CEP78: variants seen among roughly 807,000 people sequenced by gnomAD.
The protein encoded by CEP78 is centrosomal protein 78.
Under a neutral mutation model 81.2 loss-of-function variants are expected in CEP78, and 76 were observed. The observed-to-expected ratio is 0.94, with a 90% CI of 0.78 to 1.13. CEP78 has a LOEUF of 1.13. CEP78 is among the 50% of genes most tolerant of loss of function. CEP78 has a pLI of 0.00. For missense variants in CEP78, 918 were observed against 846.8 expected (o/e 1.08, Z -1.04); for synonymous variants, 293 against 301.4 (o/e 0.97, Z 0.29).
chr9:78,264,027 G>A, intron 12 of CEP78, 123 bp from the exon 13 acceptor site: 1 of 644,446 alleles, frequency 1.6e-6, no homozygotes. Flanking sequence ...GTCTTTACTG[G>A]TAGAGAGTTA....
intron 5 of CEP78, among the ~76,000 whole-genome samples, chr9:78,244,134 CTTTTTTT>C (rs971743733): frequency 9.9e-5 from 11 of 110,776 alleles, no homozygotes; most frequent in South Asian, 2.8e-4. Context: ...ATTGAAGTTA[CTTTTTTT>C]TTTTTTTTTT....
Position 78,272,224 on chromosome 9 carries a change from G to A in CEP78, c.*1373G>A, listed in dbSNP as rs1827707762. 6.6e-6 allele frequency: 1 copy of A among 152,450 alleles called. No homozygotes were observed. The highest frequency in any genetic ancestry group is 6.5e-5 in the Admixed American group (1 of 15,282). 9.4% of individuals were successfully genotyped at this position (152,450 alleles called of 1,614,324 possible). On this transcript the variant is annotated 3_prime_UTR_variant, in exon 17 of 17. Transcript: ENST00000643273. ...TGAGCCACTGCATCCGGCCAAGATG[G>A]GTTCTTTCTTAGGCTGGTCTTGAAC...
chr9:78,257,784 A>G (rs1827107333), intron 11 of CEP78, among the ~76,000 whole-genome samples: 1 of 152,214 alleles, frequency 6.6e-6, no homozygotes. Flanking sequence ...GTCGGTGACC[A>G]CCTATCTAAT....
chr9:78,248,493 G>A, intron 7 of CEP78, 138 bp downstream of exon 7: 1 of 662,098 alleles, frequency 1.5e-6, no homozygotes, highest in Non-Finnish European at 2.7e-6. Context: ...AGGTAGCTAG[G>A]ACTGTAGGTA....
In CEP78 at chr9:78,243,652, T is replaced by C; in HGVS notation, c.778+16T>C. ...TGGCTGAGAGGTAAGTTAAATGAAC[T>C]TGTAAGGTGGAAAATATTGAATTTT... On this transcript the variant is annotated intron_variant, in intron 5 of 16. Transcript: ENST00000643273. The C allele has an allele frequency of 6.2e-7, 1 of 1,606,128 alleles. No homozygotes were observed. Among genetic ancestry groups the C allele is most frequent in the Non-Finnish European group, 8.5e-7 (1 of 1,175,364 alleles).
In CEP78 at chr9:78,236,447, G is replaced by T; in HGVS notation, c.97G>T (p.Ala33Ser). The change falls in exon 1 of 17, where the codon GCC (alanine) becomes TCC (serine). Residue 33 changes from alanine to serine, a missense_variant. Ala to Ser is a moderately conservative substitution (Grantham distance 99). Transcript: ENST00000643273. ...GCTGCAGAACTCGGTGCCGCTGCCC[G>T]CCGTGCGCGCCTGTCTCCGGGAGGG... ...CALQNSVPLPAVRACLREGVL... is the reference protein window; with the variant it reads ...CALQNSVPLPSVRACLREGVL... 1 of 1,603,550 alleles carries T rather than the reference G, an allele frequency of 6.2e-7. No individual in the cohort carries two copies. Among genetic ancestry groups the T allele is most frequent in the South Asian group, 1.1e-5 (1 of 89,196 alleles).
chr9:78,278,693 A>G lies in CEP78; in HGVS notation c.*7842A>G, dbSNP rs1334411739. On this transcript the variant is annotated 3_prime_UTR_variant, in exon 17 of 17. Coordinates refer to ENST00000643273, the MANE Select transcript of CEP78 (RefSeq NM_001330691.3). ...AAACTGCTACTCGTGGGGCAATGCA[A>G]GTCTTTCCCACATTTGTTTTATTTT... The G allele has an allele frequency of 6.6e-6, 1 of 152,204 alleles. No homozygotes were observed. Among genetic ancestry groups the G allele is most frequent in the Non-Finnish European group, 1.5e-5 (1 of 68,046 alleles). 9.4% of individuals were successfully genotyped at this position (152,204 alleles called of 1,614,324 possible). A position where few individuals can be genotyped will look rare whatever the true frequency, so the allele number is the denominator to read the frequency against.
chr9:78,240,393 C>T, intron 3 of CEP78, 29 bp downstream of exon 3: 1 of 1,524,748 alleles, frequency 6.6e-7, no homozygotes, highest in Non-Finnish European at 8.9e-7. Flanking sequence ...TAACTCTTGT[C>T]CTATCAGGCT....
intron 16 of CEP78, among the ~76,000 whole-genome samples, chr9:78,267,462 A>G (rs576716181): frequency 6.6e-6 from 1 of 152,366 alleles, no homozygotes; most frequent in South Asian, 2.1e-4. Context: ...AAACATGTCT[A>G]GATGCTTAAG....
At chr9:78,236,825 C>G (rs185869301) in intron 1 of CEP78, among the ~76,000 whole-genome samples, 5 of 152,160 alleles carry the variant, frequency 3.3e-5, no homozygotes, top group Non-Finnish European at 7.3e-5. Context: ...CAAGGATTCC[C>G]TGCGCTGCTG....
chr9:78,239,728 G>C (rs1054147089), intron 1 of CEP78, among the ~76,000 whole-genome samples: 1 of 152,106 alleles, frequency 6.6e-6, no homozygotes. Flanking sequence ...CTTTGCTCTC[G>C]CTGCTCCCTC....
intron 16 of CEP78, among the ~76,000 whole-genome samples, chr9:78,268,780 C>T (rs541387284): frequency 2.6e-4 from 39 of 151,412 alleles, no homozygotes; most frequent in African/African-American, 8.5e-4. Context: ...CCTCAGCCTC[C>T]CCAGTAGCTG....
intron 11 of CEP78, among the ~76,000 whole-genome samples, chr9:78,260,324 G>GA (rs200093483): frequency 0.03 from 4,596 of 152,212 alleles, 242 homozygotes; most frequent in African/African-American, 0.1. Flanking sequence ...TTATAATGTT[G>GA]AAAGTTGGAA....
chr9:78,264,295 T>G lies in CEP78; in HGVS notation c.1604T>G (p.Leu535Trp), dbSNP rs771719362. ...TCTTTTCAGAAGTTTCATGCTTTCT[T>G]GGATCTCCTTAAAGATGCTGGGTTA... Reference protein sequence around the residue: ...ENSFQKFHAFLDLLKDAGLGQ... With the variant: ...ENSFQKFHAFWDLLKDAGLGQ... The change falls in exon 13 of 17, where the codon TTG becomes TGG. Residue 535 changes from leucine to tryptophan, a missense_variant. Leu to Trp is a moderately conservative substitution (Grantham distance 61). Transcript: ENST00000643273. 2 of 1,613,384 alleles carry G rather than the reference T, an allele frequency of 1.2e-6. No individual in the cohort carries two copies. The highest frequency in any genetic ancestry group is 4.5e-5 in the East Asian group (2 of 44,798).
intron 11 of CEP78, among the ~76,000 whole-genome samples, chr9:78,262,640 T>C (rs986238299): frequency 4.6e-5 from 7 of 152,288 alleles, no homozygotes; most frequent in Admixed American, 1.3e-4. Flanking sequence ...TTTGACTCAA[T>C]AAATATATGT....
In CEP78 at chr9:78,271,654, A is replaced by G. The variant is rs924191165; in HGVS notation, c.*803A>G. The stretch of plus-strand genomic sequence containing the variant: ...ACTTAGAAAAAATCTTTCTCAGAGT[A>G]ACTAAGCAAAATGAACAATGAACCC... On this transcript the variant is annotated 3_prime_UTR_variant, in exon 17 of 17. Transcript: ENST00000643273. 12 of 152,098 alleles carry G rather than the reference A, an allele frequency of 7.9e-5. No homozygotes were observed. Among genetic ancestry groups the G allele is most frequent in the Middle Eastern group, 3.4e-3 (1 of 292 alleles). 9.4% of individuals were successfully genotyped at this position (152,098 alleles called of 1,614,324 possible).
intron 12 of CEP78, 61 bp from the exon 13 acceptor site, chr9:78,264,089 A>G (rs144170205): frequency 5.9e-6 from 7 of 1,192,884 alleles, no homozygotes; most frequent in Non-Finnish European, 6.7e-6. Flanking sequence ...TAGTTTCATA[A>G]AAACTATTTT....
In CEP78 at chr9:78,237,482, A is replaced by G. The variant is rs367852119; in HGVS notation, c.253+879A>G. On this transcript the variant is annotated intron_variant, in intron 1 of 16. Transcript: ENST00000643273. ...TTCTACATAATGGAGGCAGCTTCCT[A>G]TAGACGCTAGCTAGGTAACAGGAAG... Among the ~76,000 whole-genome samples the G allele has an allele frequency of 5.9e-5, 9 of 152,272 alleles. No individual in the cohort carries two copies. The East Asian group carries it at 1.4e-3, about 23-fold the overall frequency.
At position 78,240,279 on chromosome 9, in the gene CEP78, C is replaced by G. The variant is rs201810974; in HGVS notation, c.427-13C>G. 985 of 1,606,752 alleles carry G rather than the reference C, an allele frequency of 6.1e-4. 4 individuals carry two copies. The African/African-American group carries it at 0.011, about 19-fold the overall frequency. ...ACCTCAATAACATTTTTAACTTTTC[C>G]CCCTCATTAAAGGGATTGAATAAAT... is the stretch of plus-strand genomic sequence containing the variant. On this transcript the variant is annotated splice_polypyrimidine_tract_variant and intron_variant, in intron 2 of 16. Transcript: ENST00000643273.
Sources: allele counts gnomAD v4.1 joint callset (sites outside exome capture counted in the v4.1 genomes callset), GRCh38; gene constraint gnomAD v4.1.1; transcripts MANE v1.5; gene names NCBI Gene and HGNC (gene_info 2026-07-23, HGNC 2026-07-21).